The following CD84 variants were observed in gnomAD, a reference collection of about 807,000 sequenced individuals.
The protein encoded by CD84 is SLAM family member 5.
Under a neutral mutation model 33.8 loss-of-function variants are expected in CD84, and 22 were observed. That is an observed-to-expected ratio of 0.65 (90% CI 0.46 to 0.93). The LOEUF is 0.93. Among genes scored for constraint, CD84 ranks in the 40% least tolerant of loss-of-function variants. The pLI is 0.00. For missense variants in CD84, 400 were observed against 397.6 expected (o/e 1.01, Z -0.05); for synonymous variants, 154 against 145.2 (o/e 1.06, Z -0.44).
intron 1 of CD84, among the ~76,000 whole-genome samples, chr1:160,574,009 C>T (rs576011534): frequency 1.3e-5 from 2 of 152,158 alleles, no homozygotes; most frequent in South Asian, 2.1e-4. Flanking sequence ...AGGAGGATCA[C>T]TTGAGCCTGG....
chr1:160,555,205 C>T (rs1463662860), intron 2 of CD84, among the ~76,000 whole-genome samples: 6 of 151,628 alleles, frequency 4.0e-5, no homozygotes, highest in East Asian at 1.9e-4. Flanking sequence ...CTCAGCCTCC[C>T]GAGGAGTAGC....
chr1:160,554,066 C>T lies in CD84; in HGVS notation c.469G>A (p.Val157Ile), dbSNP rs1656434608. Reference sequence around the variant, plus strand: ...GTCACATTCTTTTCTTCTTTCTCTACAGAGCATGTCAGTGTGACATTACAG... The same window carrying T: ...GTCACATTCTTTTCTTCTTTCTCTATAGAGCATGTCAGTGTGACATTACAG... ...STCNVTLTCS[V>I]EKEEKNVTYN... The change falls in exon 3 of 7, where the codon GTA (valine) becomes ATA (isoleucine). Residue 157 changes from valine (V) to isoleucine (I), a missense_variant. Physicochemically the swap from Val to Ile is conservative, Grantham distance 29. Coordinates refer to ENST00000368054, the MANE Select transcript of CD84 (RefSeq NM_003874.4). 1 of 1,614,052 alleles carries T rather than the reference C, an allele frequency of 6.2e-7. No homozygotes were observed. Among genetic ancestry groups the T allele is most frequent in the Admixed American group, 1.7e-5 (1 of 59,996 alleles).
intron 4 of CD84, among the ~76,000 whole-genome samples, chr1:160,552,330 T>C (rs909405673): frequency 1.3e-5 from 2 of 152,184 alleles, no homozygotes; most frequent in Non-Finnish European, 2.9e-5. Context: ...CATTTGAGTA[T>C]GGCACACGTC....
In CD84 at chr1:160,559,103, C is replaced by T. The variant is rs149232150; in HGVS notation, c.389-4957G>A. On this transcript the variant is annotated intron_variant, in intron 2 of 6. Coordinates refer to ENST00000368054, the MANE Select transcript of CD84 (RefSeq NM_003874.4). ...ACTTCCCCAGCCTAGCAAGACAGGC[C>T]AACCTTCAGATTCAGGAAATGCAGA... is the stretch of plus-strand genomic sequence containing the variant. Among the ~76,000 whole-genome samples the T allele has an allele frequency of 3.0e-4, 45 of 152,200 alleles. No homozygotes were observed. In the East Asian group the frequency reaches 7.3e-3, roughly 25 times the overall value.
intron 6 of CD84, among the ~76,000 whole-genome samples, chr1:160,549,642 G>C (rs1656066076): frequency 6.6e-6 from 1 of 152,150 alleles, no homozygotes; most frequent in African/African-American, 2.4e-5. Flanking sequence ...ATACGGGATG[G>C]AGTTCCCATA....
intron 2 of CD84, among the ~76,000 whole-genome samples, chr1:160,557,858 C>A (rs1312157765): frequency 1.3e-5 from 2 of 152,142 alleles, no homozygotes; most frequent in Admixed American, 6.5e-5. Flanking sequence ...GAGGAAGGGT[C>A]CCCTACAACG....
rs554390273 is a variant in CD84, at chr1:160,552,074, C to T, written c.761-1039G>A. Among the ~76,000 whole-genome samples the T allele has an allele frequency of 2.6e-5, 4 of 152,336 alleles. No individual in the cohort carries two copies. The East Asian group carries it at 5.8e-4, about 22-fold the overall frequency. On this transcript the variant is annotated intron_variant, in intron 4 of 6. Coordinates refer to ENST00000368054, the MANE Select transcript of CD84 (RefSeq NM_003874.4). The stretch of plus-strand genomic sequence containing the variant: ...GGGCCTTCATAATCCAGGGCACCAA[C>T]ATACCTACAAATAACAGGTCTGAGC...
At chr1:160,553,237 C>A (rs1455195420) in intron 4 of CD84, 141 bp downstream of exon 4, 11 of 1,325,666 alleles carry the variant, frequency 8.3e-6, no homozygotes, top group Non-Finnish European at 1.1e-5. Context: ...AGCCATCATT[C>A]TGGGAGGTGG....
At chr1:160,551,242 T>C (rs1248237445) in intron 4 of CD84, 1 of 541,544 alleles carries the variant, frequency 1.8e-6, no homozygotes, top group Non-Finnish European at 3.3e-6. Context: ...GGAATTCTCT[T>C]CTACTCTAGA....
In CD84 at chr1:160,546,930, A is replaced by AT. The variant is rs1449061638; in HGVS notation, c.*1325dup. ...TCTATGGATTCATTTACTGGGACTG[A>AT]TGTCTTTATCTGCCTAATTGCAGCC... On this transcript the variant is annotated 3_prime_UTR_variant, in exon 7 of 7. Transcript: ENST00000368054. 2.6e-6 allele frequency: 1 copy of AT among 391,264 alleles called. No individual in the cohort carries two copies. The highest frequency in any genetic ancestry group is 2.1e-5 in the African/African-American group (1 of 48,476). The allele number at this position is 391,264 out of a possible 1,614,324, so 24.2% of individuals were successfully genotyped here. A position where few individuals can be genotyped will look rare whatever the true frequency, so the allele number is the denominator to read the frequency against.
At chr1:160,572,239 G>A (rs1456578332) in intron 1 of CD84, among the ~76,000 whole-genome samples, 1 of 152,112 alleles carries the variant, frequency 6.6e-6, no homozygotes, top group Non-Finnish European at 1.5e-5. Flanking sequence ...TTAATACACA[G>A]TGGACATTTT....
At chr1:160,553,676 G>A (rs546177471) in intron 3 of CD84, 179 bp from the exon 4 acceptor site, 176 of 951,196 alleles carry the variant, frequency 1.9e-4, no homozygotes, top group Non-Finnish European at 2.5e-4. Context: ...GAATCAGAGA[G>A]TTGATCAGGG....
chr1:160,573,030 C>T (rs1286480700), intron 1 of CD84, among the ~76,000 whole-genome samples: 4 of 152,084 alleles, frequency 2.6e-5, no homozygotes, highest in African/African-American at 9.7e-5. Flanking sequence ...ACCCTGTTTC[C>T]CTGGATGATC....
chr1:160,554,887 CAGCAAAAT>C (rs1288339543), intron 2 of CD84, among the ~76,000 whole-genome samples: 1 of 140,598 alleles, frequency 7.1e-6, no homozygotes, highest in Non-Finnish European at 1.5e-5. Flanking sequence ...AGTGCCCTCT[CAGCAAAAT>C]AAATTCTATA....
chr1:160,552,845 G>T, intron 4 of CD84: 1 of 776,732 alleles, frequency 1.3e-6, no homozygotes, highest in Non-Finnish European at 2.3e-6. Flanking sequence ...TGGGATGTGG[G>T]TGAATCGGAG....
In CD84 at chr1:160,554,102, C is replaced by T. The variant is rs1656438667; in HGVS notation, c.433G>A (p.Val145Met). 6.2e-7 allele frequency: 1 copy of T among 1,614,174 alleles called. No individual in the cohort carries two copies. Among genetic ancestry groups the T allele is most frequent in the East Asian group, 2.2e-5 (1 of 44,888 alleles). Residue 145 changes from valine (V) to methionine (M), a missense_variant, in exon 3 of 7, where the codon GTG becomes ATG. Coordinates refer to ENST00000368054, the MANE Select transcript of CD84 (RefSeq NM_003874.4). ...AGTGTGACATTACAGGTGCTGTTCA[C>T]AGATGCCATTAAACTCTGTGTAATT... ...PKITQSLMASVNSTCNVTLTC... is the reference protein window; with the variant it reads ...PKITQSLMASMNSTCNVTLTC...
rs1437659256 is a variant in CD84 at position 160,541,721 on chromosome 1, G to C, written c.*6535C>G. ...TTCTGTGTGGCTGGAGCCTTAGGGAGCAGGCAGGAGACAGCCTGGAAGGTC... is the reference window on the plus strand; with the variant it reads ...TTCTGTGTGGCTGGAGCCTTAGGGACCAGGCAGGAGACAGCCTGGAAGGTC... On this transcript the variant is annotated 3_prime_UTR_variant, in exon 7 of 7. Transcript: ENST00000368054. 6.6e-6 allele frequency: 1 copy of C among 152,226 alleles called. No individual in the cohort carries two copies. Among genetic ancestry groups the C allele is most frequent in the East Asian group, 1.9e-4 (1 of 5,198 alleles). 9.4% of individuals were successfully genotyped at this position (152,226 alleles called of 1,614,324 possible).
rs191137484 is a variant in CD84 at position 160,544,084 on chromosome 1, T to C, written c.*4172A>G. The C allele has an allele frequency of 6.6e-6, 1 of 152,024 alleles. No individual in the cohort carries two copies. Among genetic ancestry groups the C allele is most frequent in the Admixed American group, 6.5e-5 (1 of 15,274 alleles). The allele number at this position is 152,024 out of a possible 1,614,324, so 9.4% of individuals were successfully genotyped here. A position where few individuals can be genotyped will look rare whatever the true frequency, so the allele number is the denominator to read the frequency against. ...CAGGATGCAGACCCAGGCACTCTAC[T>C]GTCAGAGCCCACATTTATGACCACT... On this transcript the variant is annotated 3_prime_UTR_variant, in exon 7 of 7. Transcript: ENST00000368054.
At chr1:160,551,439 T>C (rs955797987) in intron 4 of CD84, 1 of 207,982 alleles carries the variant, frequency 4.8e-6, no homozygotes, top group South Asian at 8.0e-5. Flanking sequence ...TTATATACTA[T>C]TTTACATTCT....
Sources: allele counts gnomAD v4.1 joint callset (sites outside exome capture counted in the v4.1 genomes callset), GRCh38; gene constraint gnomAD v4.1.1; transcripts MANE v1.5; gene names NCBI Gene and HGNC (gene_info 2026-07-23, HGNC 2026-07-21).